EDA: variants seen among roughly 807,000 people sequenced by gnomAD.
The protein encoded by EDA is ectodysplasin-A.
In EDA, 2 loss-of-function variants were observed where a neutral mutation model predicts 23.6. The ratio of observed to expected loss-of-function variants is 0.08; its 90% CI spans 0.03 to 0.27. The LOEUF (loss-of-function observed/expected upper bound fraction) is 0.27. Among genes scored for constraint, EDA ranks in the 10% least tolerant of loss-of-function variants. The pLI is 1.00. For missense variants in EDA, 229 were observed against 324.2 expected (o/e 0.71, Z 2.26); for synonymous variants, 131 against 132.0 (o/e 0.99, Z 0.05).
intron 1 of EDA, among the ~76,000 whole-genome samples, chrX:69,927,287 G>A (rs1449644492): frequency 9.0e-6 from 1 of 111,709 alleles, no homozygotes; most frequent in Non-Finnish European, 1.9e-5. Flanking sequence ...GCAGTGGCTG[G>A]TACTGGTTTT....
intron 1 of EDA, among the ~76,000 whole-genome samples, chrX:69,648,975 T>C (rs1933014004): frequency 9.0e-6 from 1 of 111,454 alleles, no homozygotes; most frequent in African/African-American, 3.3e-5. Flanking sequence ...ACACAATCAC[T>C]CACAGCTTCC....
intron 1 of EDA, among the ~76,000 whole-genome samples, chrX:69,781,457 C>T (rs900971926): frequency 2.7e-5 from 3 of 111,684 alleles, no homozygotes; most frequent in Non-Finnish European, 5.7e-5. Context: ...CATTCATTTA[C>T]GTATTATCTA....
intron 1 of EDA, among the ~76,000 whole-genome samples, chrX:69,711,206 T>C (rs1330824067): frequency 9.0e-6 from 1 of 110,909 alleles, no homozygotes; most frequent in Non-Finnish European, 1.9e-5. Context: ...GCATGAAGGG[T>C]TGTTGAATTT....
At chrX:69,728,471 AG>A (rs1352018367) in intron 1 of EDA, among the ~76,000 whole-genome samples, 1 of 112,117 alleles carries the variant, frequency 8.9e-6, no homozygotes, top group Non-Finnish European at 1.9e-5. Flanking sequence ...AATATGTGCA[AG>A]GGCACAGAGT....
intron 1 of EDA, among the ~76,000 whole-genome samples, chrX:69,758,952 T>A (rs2014214112): frequency 8.9e-6 from 1 of 112,667 alleles, no homozygotes; most frequent in Non-Finnish European, 1.9e-5. Context: ...TTGGGTTATA[T>A]CTGATTCCTG....
intron 1 of EDA, chrX:69,749,844 T>C (rs2013755147): frequency 9.3e-6 from 1 of 106,979 alleles, no homozygotes; most frequent in Non-Finnish European, 1.9e-5. Context: ...TCCAGAAAAA[T>C]CACTGTTTTT....
chrX:69,901,340 A>G (rs1203008), intron 1 of EDA, among the ~76,000 whole-genome samples: 17,579 of 111,868 alleles, frequency 0.16, 1,286 homozygotes, highest in Non-Finnish European at 0.23. Context: ...CTGAAATACT[A>G]TTAACTAGCA....
At chrX:70,020,164 G>T (rs768740481) in intron 2 of EDA, among the ~76,000 whole-genome samples, 26 of 111,788 alleles carry the variant, frequency 2.3e-4, no homozygotes, top group Non-Finnish European at 4.0e-4. Context: ...AAGATTATTA[G>T]GTTTAACTAC....
intron 2 of EDA, among the ~76,000 whole-genome samples, chrX:69,961,709 T>C (rs187845646): frequency 8.9e-6 from 1 of 112,732 alleles, no homozygotes; most frequent in Non-Finnish European, 1.9e-5. Context: ...TTTTCTTTAC[T>C]ACATTTCTTC....
chrX:69,799,506 T>C (rs1476523476), intron 1 of EDA, among the ~76,000 whole-genome samples: 2 of 110,422 alleles, frequency 1.8e-5, no homozygotes, highest in Non-Finnish European at 3.8e-5. Flanking sequence ...AACAACTCTA[T>C]AGGAAAAAAA....
At chrX:69,689,584 C>T (rs1934647834) in intron 1 of EDA, among the ~76,000 whole-genome samples, 1 of 110,833 alleles carries the variant, frequency 9.0e-6, no homozygotes, top group Non-Finnish European at 1.9e-5. Context: ...ATCCACCCAC[C>T]TCGGCCTCCC....
At chrX:69,651,417 A>G (rs1933099361) in intron 1 of EDA, among the ~76,000 whole-genome samples, 1 of 108,120 alleles carries the variant, frequency 9.2e-6, no homozygotes, top group Non-Finnish European at 1.9e-5. Context: ...TTCAAGGTAT[A>G]TCTTGAACAT....
chrX:69,878,215 G>A (rs2017678055), intron 1 of EDA, among the ~76,000 whole-genome samples: 2 of 112,483 alleles, frequency 1.8e-5, no homozygotes, highest in African/African-American at 6.5e-5. Flanking sequence ...GCAACAGACA[G>A]GATTAAAAAT....
chrX:69,855,266 C>A (rs1415176613), intron 1 of EDA, among the ~76,000 whole-genome samples: 1 of 111,941 alleles, frequency 8.9e-6, no homozygotes, highest in African/African-American at 3.2e-5. Flanking sequence ...CCTGTTCACT[C>A]GGTTGATAGT....
intron 1 of EDA, among the ~76,000 whole-genome samples, chrX:69,821,887 C>G (rs1297521540): frequency 1.8e-5 from 2 of 111,965 alleles, no homozygotes; most frequent in East Asian, 5.6e-4. Context: ...TAAATACATT[C>G]ATAATGTTGT....
intron 1 of EDA, among the ~76,000 whole-genome samples, chrX:69,955,759 A>G (rs2018990900): frequency 8.9e-6 from 1 of 111,902 alleles, no homozygotes; most frequent in Admixed American, 9.5e-5. Flanking sequence ...AAGTACTATT[A>G]TTATCCCTAC....
chrX:69,732,670 G>T (rs769964839), intron 1 of EDA, among the ~76,000 whole-genome samples: 55 of 111,748 alleles, frequency 4.9e-4, no homozygotes, highest in Admixed American at 4.6e-3. Flanking sequence ...TTGAGGAATC[G>T]CCACACTGTC....
chrX:69,861,861 A>G (rs12559850), intron 1 of EDA, among the ~76,000 whole-genome samples: 33,296 of 111,102 alleles, frequency 0.3, 4,695 homozygotes, highest in Middle Eastern at 0.55. Flanking sequence ...ATCCATGAGG[A>G]CAAAGAGAAC....
At chrX:69,988,752 A>G (rs1239221479) in intron 2 of EDA, among the ~76,000 whole-genome samples, 1 of 110,773 alleles carries the variant, frequency 9.0e-6, no homozygotes, top group Non-Finnish European at 1.9e-5. Flanking sequence ...GCTGTTCAGG[A>G]GGCTGAGGCA....
Sources: gnomAD v4.1 joint callset for allele counts (sites outside exome capture counted in the v4.1 genomes callset) on GRCh38, gnomAD v4.1.1 for gene constraint, MANE v1.5 for transcripts, NCBI Gene and HGNC (gene_info 2026-07-23, HGNC 2026-07-21) for gene names.